OTOGL: variants seen among roughly 807,000 people sequenced by gnomAD.
OTOGL encodes otogelin-like protein.
In OTOGL, 285 loss-of-function variants were observed where a neutral mutation model predicts 318.5. The observed-to-expected ratio is 0.89, with a 90% confidence interval of 0.81 to 0.99. The LOEUF (loss-of-function observed/expected upper bound fraction) is 0.99. OTOGL is among the 50% of genes least tolerant of loss of function. OTOGL has a pLI of 0.00. For missense variants in OTOGL, 2,899 were observed against 2,845.6 expected (o/e 1.02, Z -0.43); for synonymous variants, 987 against 936.5 (o/e 1.05, Z -0.99).
chr12:80,218,238 G>A (rs1269733395), intron 5 of OTOGL, among the ~76,000 whole-genome samples: 5 of 152,092 alleles, frequency 3.3e-5, no homozygotes, highest in African/African-American at 1.2e-4. Flanking sequence ...TGCACCTAGT[G>A]GAAAAAACTG....
At chr12:80,372,201 A>G (rs1434813569) in intron 57 of OTOGL, 137 bp downstream of exon 57, 2 of 542,046 alleles carry the variant, frequency 3.7e-6, no homozygotes, top group South Asian at 6.5e-5. Flanking sequence ...TTTGTATCGT[A>G]TGTTTTTTGT....
intron 1 of OTOGL, among the ~76,000 whole-genome samples, chr12:80,182,700 T>C (rs1193808623): frequency 6.6e-6 from 1 of 152,186 alleles, no homozygotes; most frequent in African/African-American, 2.4e-5. Context: ...TTGGAATCAA[T>C]AGCTGAGAGA....
intron 1 of OTOGL, among the ~76,000 whole-genome samples, chr12:80,188,129 A>G (rs1392871053): frequency 6.6e-6 from 1 of 152,208 alleles, no homozygotes; most frequent in African/African-American, 2.4e-5. Context: ...ATGAACACTG[A>G]GGAGTGAAAT....
chr12:80,170,467 T>C (rs1874131077), intron 1 of OTOGL, among the ~76,000 whole-genome samples: 1 of 152,086 alleles, frequency 6.6e-6, no homozygotes, highest in African/African-American at 2.4e-5. Context: ...GGAGTCTCAC[T>C]CTGTTGCCCA....
chr12:80,158,764 C>G (rs750437586), intron 1 of OTOGL, among the ~76,000 whole-genome samples: 2 of 152,010 alleles, frequency 1.3e-5, no homozygotes, highest in Non-Finnish European at 2.9e-5. Flanking sequence ...AGTATACGAT[C>G]ATATCATCAG....
At chr12:80,156,000 T>G (rs1444911824) in intron 1 of OTOGL, among the ~76,000 whole-genome samples, 1 of 152,240 alleles carries the variant, frequency 6.6e-6, no homozygotes, top group Admixed American at 6.5e-5. Context: ...TGTACCATAT[T>G]TTCTTTATCC....
Position 80,256,041 on chromosome 12 carries a change from T to C in OTOGL, c.1588-296T>C, listed in dbSNP as rs1882005776. ...CTATTGGTACTTTACTGAAAGACTT[T>C]AATGTTCTAAGTAAAATGTATGTAT... On this transcript the variant is annotated intron_variant, in intron 16 of 58. Coordinates refer to ENST00000547103, the MANE Select transcript of OTOGL (RefSeq NM_001378609.3). Among the ~76,000 whole-genome samples the C allele has an allele frequency of 2.0e-5, 3 of 152,036 alleles. 1 individual carries two copies. In the South Asian group the frequency reaches 6.2e-4, roughly 31 times the overall value.
intron 11 of OTOGL, 89 bp from the exon 12 acceptor site, chr12:80,251,604 A>G (rs1881551219): frequency 1.1e-6 from 1 of 916,690 alleles, no homozygotes; most frequent in Non-Finnish European, 1.7e-6. Flanking sequence ...TTCATCATGC[A>G]CTCAGCATTT....
intron 1 of OTOGL, among the ~76,000 whole-genome samples, chr12:80,141,340 G>A (rs942110103): frequency 2.0e-5 from 3 of 151,998 alleles, no homozygotes; most frequent in African/African-American, 7.3e-5. Context: ...CTAATTGAAA[G>A]GTGACTATTA....
intron 45 of OTOGL, among the ~76,000 whole-genome samples, chr12:80,352,686 G>T (rs1333575143): frequency 6.6e-6 from 1 of 152,120 alleles, no homozygotes; most frequent in Non-Finnish European, 1.5e-5. Flanking sequence ...TTCAAGAGGG[G>T]CATTGCTGAT....
At chr12:80,344,578 A>G (rs993758363) in intron 44 of OTOGL, among the ~76,000 whole-genome samples, 7 of 152,202 alleles carry the variant, frequency 4.6e-5, no homozygotes, top group African/African-American at 2.4e-5. Context: ...GCATCAAATT[A>G]TGTTGTGTCT....
chr12:80,160,735 A>G (rs1873453001), intron 1 of OTOGL, among the ~76,000 whole-genome samples: 2 of 152,298 alleles, frequency 1.3e-5, no homozygotes, highest in South Asian at 4.1e-4. Context: ...ACTACTGAAT[A>G]TTTACCCAGA....
In OTOGL at chr12:80,367,656, G is replaced by T. The variant is rs769590137; in HGVS notation, c.6427G>T (p.Glu2143Ter). 4.0e-6 allele frequency: 6 copies of T among 1,502,482 alleles called. No individual in the cohort carries two copies. In the South Asian group the frequency reaches 7.7e-5, roughly 19 times the overall value. The allele number at this position is 1,502,482 out of a possible 1,614,324, so 93.1% of individuals were successfully genotyped here. A position where few individuals can be genotyped will look rare whatever the true frequency, so the allele number is the denominator to read the frequency against. Residue 2143 changes from glutamate (E) to a stop codon, truncating the protein, a stop_gained, in exon 54 of 59, where the codon GAG (glutamate) becomes TAG (stop). Coordinates refer to ENST00000547103, the MANE Select transcript of OTOGL (RefSeq NM_001378609.3). LOFTEE classifies it high-confidence loss of function. ...YLEEDFCYAI[E>*]CLEEKDNHTG... The stretch of plus-strand genomic sequence containing the variant: ...GGAAGAAGACTTTTGTTATGCTATA[G>T]AGTGTCTGGAAGAAAAAGATAACCA...
At chr12:80,215,618 C>A (rs1263601249) in intron 4 of OTOGL, among the ~76,000 whole-genome samples, 1 of 151,966 alleles carries the variant, frequency 6.6e-6, no homozygotes, top group Non-Finnish European at 1.5e-5. Context: ...TTGTTCAAGG[C>A]GATAGGCCCT....
chr12:80,152,643 G>T (rs529738796), intron 1 of OTOGL, among the ~76,000 whole-genome samples: 1 of 151,990 alleles, frequency 6.6e-6, no homozygotes, highest in Non-Finnish European at 1.5e-5. Context: ...AAATCCAATC[G>T]CCTGTTGCAA....
At chr12:80,182,544 G>A (rs746252590) in intron 1 of OTOGL, among the ~76,000 whole-genome samples, 5 of 152,210 alleles carry the variant, frequency 3.3e-5, no homozygotes, top group Non-Finnish European at 1.5e-5. Context: ...TGACATAGAG[G>A]TTGGTTGAAG....
chr12:80,234,888 A>G (rs1331794736), intron 9 of OTOGL, among the ~76,000 whole-genome samples: 1 of 152,188 alleles, frequency 6.6e-6, no homozygotes, highest in Non-Finnish European at 1.5e-5. Flanking sequence ...CCAGCCAGTG[A>G]ATATTGAATG....
intron 18 of OTOGL, among the ~76,000 whole-genome samples, chr12:80,259,276 G>A (rs1377725638): frequency 6.6e-6 from 1 of 151,460 alleles, no homozygotes; most frequent in Non-Finnish European, 1.5e-5. Context: ...GGGGTTCACT[G>A]TGGGCTGGGC....
chr12:80,109,173 G>A (rs1869680641), intron 1 of OTOGL, among the ~76,000 whole-genome samples: 1 of 151,744 alleles, frequency 6.6e-6, no homozygotes, highest in Non-Finnish European at 1.5e-5. Context: ...AGTATGGAAT[G>A]ATATTTAGAA....
Sources: allele counts gnomAD v4.1 joint callset (sites outside exome capture counted in the v4.1 genomes callset), GRCh38; gene constraint gnomAD v4.1.1; transcripts MANE v1.5; gene names NCBI Gene and HGNC (gene_info 2026-07-23, HGNC 2026-07-21).